The following RAB11FIP4 variants were observed in gnomAD, a reference collection of about 807,000 sequenced individuals.
RAB11FIP4 encodes the protein rab11 family-interacting protein 4.
RAB11FIP4 carries 23 observed loss-of-function variants against 74.3 expected under a neutral mutation model. The ratio of observed to expected loss-of-function variants is 0.31; its 90% CI spans 0.22 to 0.44. The LOEUF (loss-of-function observed/expected upper bound fraction) is 0.44, where lower values mean the gene tolerates loss of function less well. Among genes scored for constraint, RAB11FIP4 ranks in the 20% least tolerant of loss-of-function variants. The pLI is 1.00. For synonymous variants in RAB11FIP4, 360 were observed against 359.9 expected (o/e 1.00, Z 0.00); for missense variants, 630 against 863.9 (o/e 0.73, Z 3.39).
At chr17:31,460,726 T>G (rs923874917) in intron 3 of RAB11FIP4, among the ~76,000 whole-genome samples, 1 of 152,066 alleles carries the variant, frequency 6.6e-6, no homozygotes, top group Non-Finnish European at 1.5e-5. Flanking sequence ...GGTGTATATA[T>G]AGAGACATAT....
chr17:31,416,109 G>T (rs1051760869), intron 1 of RAB11FIP4, among the ~76,000 whole-genome samples: 1 of 152,208 alleles, frequency 6.6e-6, no homozygotes, highest in Admixed American at 6.5e-5. Context: ...CTCGGCATGC[G>T]ACCTGTGCAG....
chr17:31,486,275 C>T (rs1359432299), intron 3 of RAB11FIP4, among the ~76,000 whole-genome samples: 1 of 152,054 alleles, frequency 6.6e-6, no homozygotes, highest in South Asian at 2.1e-4. Context: ...CAGGGTCTTG[C>T]TGTCAACCAG....
chr17:31,461,959 G>C (rs1409682369), intron 3 of RAB11FIP4, among the ~76,000 whole-genome samples: 2 of 152,074 alleles, frequency 1.3e-5, no homozygotes, highest in Non-Finnish European at 2.9e-5. Flanking sequence ...GAATCACCTG[G>C]GGAGCTTTAA....
chr17:31,488,205 C>T (rs1405607618), intron 3 of RAB11FIP4: 4 of 1,112,818 alleles, frequency 3.6e-6, no homozygotes, highest in Non-Finnish European at 4.4e-6. Flanking sequence ...GACCCGCGCC[C>T]GCTGGCTTCC....
intron 1 of RAB11FIP4, among the ~76,000 whole-genome samples, chr17:31,417,075 C>G (rs1180738403): frequency 6.6e-6 from 1 of 151,592 alleles, no homozygotes; most frequent in East Asian, 1.9e-4. Flanking sequence ...ATTGCCCCCT[C>G]TCCCTCTCCT....
intron 13 of RAB11FIP4, 117 bp from the exon 14 acceptor site, chr17:31,530,209 C>T: frequency 7.4e-7 from 1 of 1,348,650 alleles, no homozygotes. Flanking sequence ...AGCCGTGACA[C>T]ACACCTGTGG....
rs1354290714 is a variant in RAB11FIP4 at position 31,533,556 on chromosome 17, G to T, written c.*1824G>T. On this transcript the variant is annotated 3_prime_UTR_variant, in exon 15 of 15. Transcript: ENST00000621161. ...GGCTGAAAGGAACAAGACAGATCCT[G>T]ACATAGCTTTGGCCTGGGTGTTAGG... The T allele has an allele frequency of 6.6e-6, 1 of 152,320 alleles. No individual in the cohort carries two copies. Among genetic ancestry groups the T allele is most frequent in the Non-Finnish European group, 1.5e-5 (1 of 68,088 alleles). 9.4% of individuals were successfully genotyped at this position (152,320 alleles called of 1,614,324 possible).
In RAB11FIP4 at chr17:31,498,594, C is replaced by T. The variant is rs183111618; in HGVS notation, c.337-19057C>T. ...TTGGCCATTGGCTGTGGGTAAACATCGGTGCTCTGCTGGCTGTTCAAGGCC... is the reference window on the plus strand; with the variant it reads ...TTGGCCATTGGCTGTGGGTAAACATTGGTGCTCTGCTGGCTGTTCAAGGCC... On this transcript the variant is annotated intron_variant, in intron 3 of 14. Transcript: ENST00000621161. Among the ~76,000 whole-genome samples, 183 of 152,290 alleles carry T rather than the reference C, an allele frequency of 1.2e-3. 1 individual carries two copies. Among genetic ancestry groups the T allele is most frequent in the African/African-American group, 4.1e-3 (172 of 41,556 alleles).
chr17:31,446,446 G>A (rs1440151615), intron 3 of RAB11FIP4, among the ~76,000 whole-genome samples: 2 of 152,108 alleles, frequency 1.3e-5, no homozygotes, highest in African/African-American at 4.8e-5. Context: ...CTGGCTCCAG[G>A]AACACGCCAT....
intron 3 of RAB11FIP4, among the ~76,000 whole-genome samples, chr17:31,479,319 G>C (rs915252379): frequency 2.6e-5 from 4 of 152,180 alleles, no homozygotes; most frequent in African/African-American, 9.7e-5. Flanking sequence ...ACTTGAGAAG[G>C]TCTCTCACCT....
intron 1 of RAB11FIP4, among the ~76,000 whole-genome samples, chr17:31,408,514 A>G (rs1287235397): frequency 1.3e-5 from 2 of 152,150 alleles, no homozygotes; most frequent in Non-Finnish European, 1.5e-5. Context: ...ATAGGAATAT[A>G]ATTGATTTTT....
chr17:31,434,255 G>T (rs2071338344), intron 3 of RAB11FIP4, 133 bp downstream of exon 3: 6 of 737,798 alleles, frequency 8.1e-6, no homozygotes, highest in South Asian at 3.3e-5. Context: ...TCAGAGTCAA[G>T]AAATAGTTTT....
intron 3 of RAB11FIP4, among the ~76,000 whole-genome samples, chr17:31,473,757 G>A (rs996991597): frequency 7.2e-5 from 11 of 152,204 alleles, no homozygotes; most frequent in Non-Finnish European, 1.5e-4. Context: ...TGCTCAGCGG[G>A]CATGGAGGGA....
At chr17:31,450,661 C>T (rs2071517896) in intron 3 of RAB11FIP4, among the ~76,000 whole-genome samples, 1 of 152,034 alleles carries the variant, frequency 6.6e-6, no homozygotes. Flanking sequence ...CGTCCTCACC[C>T]CTATGCTTCC....
At chr17:31,471,905 G>A (rs1478844477) in intron 3 of RAB11FIP4, among the ~76,000 whole-genome samples, 1 of 152,126 alleles carries the variant, frequency 6.6e-6, no homozygotes, top group Non-Finnish European at 1.5e-5. Flanking sequence ...GCTCACGCCT[G>A]TAATCCCAGC....
chr17:31,496,664 G>C (rs1188810407), intron 3 of RAB11FIP4, among the ~76,000 whole-genome samples: 2 of 152,190 alleles, frequency 1.3e-5, no homozygotes, highest in East Asian at 3.8e-4. Context: ...GCTCCCTGGG[G>C]TGGGAAAGGG....
intron 3 of RAB11FIP4, among the ~76,000 whole-genome samples, chr17:31,492,294 G>A (rs917087954): frequency 1.3e-5 from 2 of 152,174 alleles, no homozygotes; most frequent in Non-Finnish European, 2.9e-5. Flanking sequence ...CAGCAACTTT[G>A]GGTTTAGTCT....
chr17:31,430,425 T>C (rs1207907062), intron 1 of RAB11FIP4, among the ~76,000 whole-genome samples: 1 of 147,440 alleles, frequency 6.8e-6, no homozygotes, highest in Non-Finnish European at 1.5e-5. Context: ...TGGCGTGATC[T>C]CAGCTCAATG....
Position 31,517,834 on chromosome 17 carries a change from G to A in RAB11FIP4, c.520G>A (p.Glu174Lys), listed in dbSNP as rs909438387. The change falls in exon 4 of 15, where the codon GAG becomes AAG. Residue 174 changes from glutamate (E) to lysine (K), a missense_variant. Transcript: ENST00000621161. Reference protein sequence around the residue: ...SLEGSVGSPAEKDGGLGGLFL... With the variant: ...SLEGSVGSPAKKDGGLGGLFL... Reference sequence around the variant, plus strand: ...GGAGGGGTCTGTCGGGAGTCCTGCCGAGAAGGACGGGGGACTTGGGGGCCT... The same window carrying A: ...GGAGGGGTCTGTCGGGAGTCCTGCCAAGAAGGACGGGGGACTTGGGGGCCT... 7.7e-6 allele frequency: 12 copies of A among 1,551,758 alleles called. No homozygotes were observed. The highest frequency in any genetic ancestry group is 4.9e-5 in the East Asian group (2 of 40,964).
Sources: allele counts gnomAD v4.1 joint callset (sites outside exome capture counted in the v4.1 genomes callset), GRCh38; gene constraint gnomAD v4.1.1; transcripts MANE v1.5; gene names NCBI Gene and HGNC (gene_info 2026-07-23, HGNC 2026-07-21).